SULF2: variants seen among roughly 807,000 people sequenced by gnomAD.
The protein encoded by SULF2 is sulfatase 2.
SULF2 carries 52 observed loss-of-function variants against 107.7 expected under a neutral mutation model. The ratio of observed to expected loss-of-function variants is 0.48; its 90% CI spans 0.39 to 0.61. The LOEUF (loss-of-function observed/expected upper bound fraction) is 0.61, where lower values mean the gene tolerates loss of function less well. Ranked by LOEUF, SULF2 falls within the 20% of genes least tolerant of loss-of-function variation. The pLI, the probability that SULF2 is intolerant of heterozygous loss-of-function variation, is 0.00. For missense variants in SULF2, 993 were observed against 1,177.3 expected, an observed-to-expected ratio of 0.84 and a Z score of 2.29; for synonymous variants, 460 against 464.3, an observed-to-expected ratio of 0.99 and a Z score of 0.12.
At chr20:47,749,821 G>A (rs1321381875) in intron 2 of SULF2, among the ~76,000 whole-genome samples, 2 of 152,168 alleles carry the variant, frequency 1.3e-5, no homozygotes, top group Non-Finnish European at 2.9e-5. Context: ...GCACAAACAA[G>A]CACACAGTTT....
At chr20:47,677,311 G>C (rs1037858995) in intron 8 of SULF2, among the ~76,000 whole-genome samples, 177 bp from the exon 9 acceptor site, 14 of 152,074 alleles carry the variant, frequency 9.2e-5, no homozygotes, top group African/African-American at 3.4e-4. Context: ...CCTCTGAGTT[G>C]AGCCACCCCT....
intron 4 of SULF2, among the ~76,000 whole-genome samples, chr20:47,701,291 G>T (rs1351815956): frequency 2.0e-5 from 3 of 152,206 alleles, no homozygotes; most frequent in African/African-American, 4.8e-5. Context: ...CTGGAGAGGG[G>T]TCTCAGGGAG....
intron 3 of SULF2, among the ~76,000 whole-genome samples, chr20:47,716,995 C>T (rs908834227): frequency 3.3e-5 from 5 of 151,934 alleles, no homozygotes; most frequent in African/African-American, 9.7e-5. Flanking sequence ...GGGTGACAAG[C>T]GAGACCCTAT....
At chr20:47,711,987 T>G (rs1022185285) in intron 3 of SULF2, among the ~76,000 whole-genome samples, 1 of 152,218 alleles carries the variant, frequency 6.6e-6, no homozygotes, top group East Asian at 1.9e-4. Context: ...TACAGGTACA[T>G]ATGTACATAT....
intron 3 of SULF2, among the ~76,000 whole-genome samples, chr20:47,718,934 C>T (rs913617922): frequency 2.0e-5 from 3 of 152,196 alleles, no homozygotes; most frequent in African/African-American, 7.2e-5. Flanking sequence ...ATCAGATCAC[C>T]TGAGGAAGAG....
Position 47,664,118 on chromosome 20 carries a change from A to T in SULF2, c.2057+12T>A, listed in dbSNP as rs372015361. 2.8e-5 allele frequency: 45 copies of T among 1,613,370 alleles called. No individual in the cohort carries two copies. In the African/African-American group the frequency reaches 4.8e-4, roughly 17 times the overall value. On this transcript the variant is annotated intron_variant, in intron 15 of 20. Transcript: ENST00000688720. ...TCTGCATCTCTTCCCCAGGACCTCA[A>T]GCTGCTCTTACCTGAAAGGATGCAG... is the stretch of plus-strand genomic sequence containing the variant.
intron 11 of SULF2, among the ~76,000 whole-genome samples, chr20:47,670,573 G>A (rs771530653): frequency 2.1e-5 from 3 of 142,194 alleles, no homozygotes; most frequent in Non-Finnish European, 4.6e-5. Flanking sequence ...GCCACAGAAG[G>A]ACAAATACTG....
chr20:47,683,231 C>G (rs547427448), intron 6 of SULF2, 62 bp from the exon 7 acceptor site: 1 of 1,489,108 alleles, frequency 6.7e-7, no homozygotes, highest in Non-Finnish European at 9.0e-7. Flanking sequence ...GTCTCCGACC[C>G]GGGGTGACAG....
At chr20:47,663,256 G>A in intron 16 of SULF2, 44 bp from the exon 17 acceptor site, 1 of 1,610,488 alleles carries the variant, frequency 6.2e-7, no homozygotes, top group African/African-American at 1.3e-5. Context: ...TGCGGGAGGA[G>A]GCCCCATCTG....
At chr20:47,757,932 G>C (rs920285293) in intron 1 of SULF2, among the ~76,000 whole-genome samples, 3 of 152,152 alleles carry the variant, frequency 2.0e-5, no homozygotes, top group African/African-American at 7.2e-5. Context: ...GATTCAATCA[G>C]GGGTTTAAAC....
rs1178015895 is a variant in SULF2, at chr20:47,758,183, T to TC, written c.-100-721dup. ...ATTCCTTTTTTTTTTTTTTTTTTTT[T>TC]CCCAGACAGAGTTTTGCTCTTGTTG... is the stretch of plus-strand genomic sequence containing the variant. On this transcript the variant is annotated intron_variant, in intron 1 of 20. Transcript: ENST00000688720. Among the ~76,000 whole-genome samples, 284 of 144,106 alleles carry TC rather than the reference T, an allele frequency of 2.0e-3. 1 individual carries two copies. The highest frequency in any genetic ancestry group is 3.6e-3 in the Middle Eastern group (1 of 278). 94.5% of individuals were successfully genotyped at this position (144,106 alleles called of 152,430 possible).
intron 3 of SULF2, among the ~76,000 whole-genome samples, chr20:47,718,320 G>A (rs1399533207): frequency 1.3e-5 from 2 of 152,000 alleles, no homozygotes; most frequent in South Asian, 2.1e-4. Flanking sequence ...GCCTCTAAAT[G>A]GTTACTGTTT....
chr20:47,757,463 T>C lies in SULF2; in HGVS notation c.-100A>G. 7.5e-7 allele frequency: 1 copy of C among 1,337,204 alleles called. No individual in the cohort carries two copies. The highest frequency in any genetic ancestry group is 1.0e-6 in the Non-Finnish European group (1 of 992,600). The allele number at this position is 1,337,204 out of a possible 1,614,324, so 82.8% of individuals were successfully genotyped here. A position where few individuals can be genotyped will look rare whatever the true frequency, so the allele number is the denominator to read the frequency against. On this transcript the variant is annotated splice_region_variant and 5_prime_UTR_variant, in exon 2 of 21. Coordinates refer to ENST00000688720, the MANE Select transcript of SULF2 (RefSeq NM_001387048.1). ...TCCCTCGTCCCTCTTCACTCGCAGA[T>C]CTAGAGGAGGAGGAAGAATCAGGTC... is the stretch of plus-strand genomic sequence containing the variant.
At chr20:47,685,575 T>G (rs1275496298) in intron 5 of SULF2, 2 of 150,998 alleles carry the variant, frequency 1.3e-5, no homozygotes, top group Non-Finnish European at 2.9e-5. Context: ...AGTGCAGTGG[T>G]GGGATCTCAG....
intron 1 of SULF2, among the ~76,000 whole-genome samples, chr20:47,783,429 CCCAAATCAGGT>C (rs879316213): frequency 6.6e-6 from 1 of 152,164 alleles, no homozygotes; most frequent in South Asian, 2.1e-4. Flanking sequence ...AATGTTATCT[CCCAAATCAGGT>C]CCAAATCAGG....
chr20:47,776,682 A>G (rs1445230686), intron 1 of SULF2, among the ~76,000 whole-genome samples: 1 of 152,214 alleles, frequency 6.6e-6, no homozygotes, highest in Non-Finnish European at 1.5e-5. Flanking sequence ...GCTTGGCCCC[A>G]GAGTCATCAG....
intron 1 of SULF2, 23 bp from the exon 2 acceptor site, chr20:47,757,486 G>A: frequency 2.5e-6 from 3 of 1,189,706 alleles, no homozygotes; most frequent in Non-Finnish European, 2.3e-6. Context: ...GAAGAATCAG[G>A]TCAATATTTA....
intron 1 of SULF2, among the ~76,000 whole-genome samples, chr20:47,771,876 C>T (rs951952384): frequency 1.3e-5 from 2 of 152,206 alleles, no homozygotes; most frequent in Non-Finnish European, 2.9e-5. Flanking sequence ...ACAGCTTTTC[C>T]ACCTGGGCCA....
chr20:47,739,684 T>C (rs1334109794), intron 2 of SULF2, among the ~76,000 whole-genome samples: 2 of 152,246 alleles, frequency 1.3e-5, no homozygotes, highest in East Asian at 1.9e-4. Context: ...TTCACTTATT[T>C]GTATGTTGCT....
Sources: allele counts gnomAD v4.1 joint callset (sites outside exome capture counted in the v4.1 genomes callset), GRCh38; gene constraint gnomAD v4.1.1; transcripts MANE v1.5; gene names NCBI Gene and HGNC (gene_info 2026-07-23, HGNC 2026-07-21).